Variants in ASIC2 observed in about 807,000 individuals in gnomAD.
The protein encoded by ASIC2 is acid-sensing ion channel 2.
Under a neutral mutation model 57.3 loss-of-function variants are expected in ASIC2, and 25 were observed. The ratio of observed to expected loss-of-function variants is 0.44; its 90% confidence interval spans 0.32 to 0.61. The LOEUF (loss-of-function observed/expected upper bound fraction) is 0.61, where lower values mean the gene tolerates loss of function less well. ASIC2 is among the 20% of genes least tolerant of loss of function. ASIC2 has a pLI of 0.06. For synonymous variants in ASIC2, 319 were observed against 307.5 expected, an observed-to-expected ratio of 1.04 and a Z score of -0.39; for missense variants, 641 against 738.1, an observed-to-expected ratio of 0.87 and a Z score of 1.52.
intron 1 of ASIC2, among the ~76,000 whole-genome samples, chr17:33,695,840 A>T (rs755915470): frequency 2.0e-5 from 3 of 152,232 alleles, no homozygotes; most frequent in Non-Finnish European, 4.4e-5. Context: ...TAATACATAC[A>T]CACATATGAC....
intron 1 of ASIC2, among the ~76,000 whole-genome samples, chr17:34,109,190 T>C (rs751943390): frequency 9.2e-5 from 14 of 152,188 alleles, no homozygotes; most frequent in Non-Finnish European, 1.9e-4. Flanking sequence ...TTCTGGCAAC[T>C]TCTGTAACTT....
intron 1 of ASIC2, among the ~76,000 whole-genome samples, chr17:34,119,037 G>A (rs536233957): frequency 6.6e-6 from 1 of 152,190 alleles, no homozygotes; most frequent in Non-Finnish European, 1.5e-5. Flanking sequence ...TTTAGCTTGG[G>A]AACAGAAACG....
rs995666774 is a variant in ASIC2, at chr17:33,358,510, A to T, written c.556-246443T>A. Among the ~76,000 whole-genome samples the T allele has an allele frequency of 1.3e-5, 2 of 152,336 alleles. 1 individual carries two copies. Among genetic ancestry groups the T allele is most frequent in the South Asian group, 4.1e-4 (2 of 4,824 alleles). ...GTATTCATTTTTGTAGTGGACATTT[A>T]TTGGATGCTCTCAAAGTGCTGGGCA... On this transcript the variant is annotated intron_variant, in intron 1 of 9. Coordinates refer to the ASIC2 transcript ENST00000359872.
intron 1 of ASIC2, among the ~76,000 whole-genome samples, chr17:33,277,671 A>G (rs1391084): frequency 0.088 from 13,392 of 152,128 alleles, 765 homozygotes; most frequent in South Asian, 0.23. Flanking sequence ...GGTGCTAATT[A>G]CCCAGAATGG....
intron 1 of ASIC2, among the ~76,000 whole-genome samples, chr17:33,568,349 AT>A (rs1916314365): frequency 6.6e-6 from 1 of 152,234 alleles, no homozygotes; most frequent in South Asian, 2.1e-4. Flanking sequence ...TACAAAAAGC[AT>A]TTTTATATAT....
At chr17:33,989,152 G>A (rs939986097) in intron 1 of ASIC2, among the ~76,000 whole-genome samples, 1 of 152,082 alleles carries the variant, frequency 6.6e-6, no homozygotes, top group African/African-American at 2.4e-5. Context: ...GAGACATGAT[G>A]TTAAACAGAG....
At chr17:33,140,018 T>C (rs895608211) in intron 1 of ASIC2, among the ~76,000 whole-genome samples, 1 of 152,232 alleles carries the variant, frequency 6.6e-6, no homozygotes, top group African/African-American at 2.4e-5. Context: ...TGGGTGTTTT[T>C]TCAAATGTCT....
chr17:33,263,771 C>T (rs1909367355), intron 1 of ASIC2, among the ~76,000 whole-genome samples: 1 of 152,222 alleles, frequency 6.6e-6, no homozygotes, highest in African/African-American at 2.4e-5. Flanking sequence ...CGCTGCAGAG[C>T]TTGGTCTTTC....
chr17:33,751,966 G>T, intron 1 of ASIC2, among the ~76,000 whole-genome samples: 1 of 145,926 alleles, frequency 6.9e-6, no homozygotes, highest in Middle Eastern at 3.5e-3. Context: ...GTGGGGGTGG[G>T]GAAGATTATA....
chr17:33,384,348 T>C (rs1422396776), intron 1 of ASIC2, among the ~76,000 whole-genome samples: 2 of 152,224 alleles, frequency 1.3e-5, no homozygotes, highest in Non-Finnish European at 2.9e-5. Flanking sequence ...CTGTTCTATA[T>C]AAGAAAGAAT....
In ASIC2 at chr17:33,539,177, T is replaced by C. The variant is rs145536049; in HGVS notation, c.556-427110A>G. Among the ~76,000 whole-genome samples, 803 of 152,348 alleles carry C rather than the reference T, an allele frequency of 5.3e-3. 6 individuals carry two copies. Among genetic ancestry groups the C allele is most frequent in the African/African-American group, 0.018 (768 of 41,588 alleles). Reference sequence around the variant, plus strand: ...CCTGCAGTGCCCCCAAAGAGGTTAATTTCTCACTAGCAGATTCTTTCTCAG... The same window carrying C: ...CCTGCAGTGCCCCCAAAGAGGTTAACTTCTCACTAGCAGATTCTTTCTCAG... On this transcript the variant is annotated intron_variant, in intron 1 of 9. Transcript: ENST00000359872.
At chr17:33,176,144 T>G (rs1378651280) in intron 1 of ASIC2, among the ~76,000 whole-genome samples, 1 of 152,136 alleles carries the variant, frequency 6.6e-6, no homozygotes, top group Non-Finnish European at 1.5e-5. Context: ...CCTTGGAGAA[T>G]CTCCACTCTC....
chr17:33,291,968 C>CTGT lies in ASIC2; in HGVS notation c.147_148insACA (p.Gln49_Gly50insThr). 1 of 1,331,394 alleles carries CTGT rather than the reference C, an allele frequency of 7.5e-7. No individual in the cohort carries two copies. The highest frequency in any genetic ancestry group is 9.5e-7 in the Non-Finnish European group (1 of 1,052,266). The allele number at this position is 1,331,394 out of a possible 1,614,324, so 82.5% of individuals were successfully genotyped here. A position where few individuals can be genotyped will look rare whatever the true frequency, so the allele number is the denominator to read the frequency against. On this transcript the variant is annotated inframe_insertion, in exon 1 of 10. Coordinates refer to ENST00000225823, the MANE Select transcript of ASIC2 (RefSeq NM_183377.2). ...CGCCCCCTGCGGGCGACCCCTGGCC[C>CTGT]CTGCAGCGCCCGCTCGCCGCCTCTG... is the stretch of plus-strand genomic sequence containing the variant.
At chr17:33,928,947 G>A (rs1427505494) in intron 1 of ASIC2, among the ~76,000 whole-genome samples, 1 of 152,134 alleles carries the variant, frequency 6.6e-6, no homozygotes, top group Non-Finnish European at 1.5e-5. Context: ...TCTGCATGTA[G>A]GGAGGCGCTC....
At chr17:33,715,816 G>T (rs1909200795) in intron 1 of ASIC2, among the ~76,000 whole-genome samples, 1 of 152,038 alleles carries the variant, frequency 6.6e-6, no homozygotes, top group African/African-American at 2.4e-5. Context: ...GTCCCTAGAG[G>T]TCAGTGTCAG....
intron 1 of ASIC2, among the ~76,000 whole-genome samples, chr17:34,045,828 CA>C (rs1908315231): frequency 6.6e-6 from 1 of 152,202 alleles, no homozygotes; most frequent in African/African-American, 2.4e-5. Flanking sequence ...ACCCTGTATA[CA>C]GACACCATTC....
intron 1 of ASIC2, among the ~76,000 whole-genome samples, chr17:33,891,662 C>A (rs1567748058): frequency 6.6e-6 from 1 of 152,174 alleles, no homozygotes; most frequent in Non-Finnish European, 1.5e-5. Context: ...TGTTAGGAAG[C>A]CCAGAGCCAA....
chr17:33,673,939 G>A (rs971775907), intron 1 of ASIC2, among the ~76,000 whole-genome samples: 1 of 149,938 alleles, frequency 6.7e-6, no homozygotes, highest in Non-Finnish European at 1.5e-5. Context: ...CTGTTGCCAG[G>A]CTGGAGTGCA....
intron 1 of ASIC2, among the ~76,000 whole-genome samples, chr17:33,910,656 G>T (rs1207532794): frequency 2.0e-5 from 3 of 152,102 alleles, no homozygotes; most frequent in Non-Finnish European, 4.4e-5. Context: ...ATTCATCACT[G>T]CCTGTCTAGT....
Sources: allele counts gnomAD v4.1 joint callset (sites outside exome capture counted in the v4.1 genomes callset), GRCh38; gene constraint gnomAD v4.1.1; transcripts MANE v1.5; gene names NCBI Gene and HGNC (gene_info 2026-07-23, HGNC 2026-07-21).